Variants in PPP6R3 observed in about 807,000 individuals in gnomAD.
PPP6R3 encodes the protein serine/threonine-protein phosphatase 6 regulatory subunit 3.
In PPP6R3, 38 loss-of-function variants were observed where a neutral mutation model predicts 110.7. The observed-to-expected ratio is 0.34, with a 90% CI of 0.26 to 0.45. The LOEUF (loss-of-function observed/expected upper bound fraction) is 0.45, where lower values mean the gene tolerates loss of function less well. PPP6R3 is among the 20% of genes least tolerant of loss of function. The probability of loss-of-function intolerance (pLI) is 1.00; values close to 1 mark genes in which losing one functional copy is unlikely to be tolerated. For synonymous variants in PPP6R3, 369 were observed against 373.5 expected, an observed-to-expected ratio of 0.99 and a Z score of 0.14; for missense variants, 870 against 1,062.4, an observed-to-expected ratio of 0.82 and a Z score of 2.52.
At chr11:68,475,632 G>T (rs2098824507) in intron 1 of PPP6R3, among the ~76,000 whole-genome samples, 1 of 151,014 alleles carries the variant, frequency 6.6e-6, no homozygotes, top group Non-Finnish European at 1.5e-5. Flanking sequence ...GCCGGGTGGG[G>T]GCTGCCCCCC....
At chr11:68,476,264 C>T (rs951365762) in intron 1 of PPP6R3, among the ~76,000 whole-genome samples, 4 of 152,196 alleles carry the variant, frequency 2.6e-5, no homozygotes, top group African/African-American at 9.6e-5. Flanking sequence ...AGCTGGAGAC[C>T]AGCCCGGCCA....
intron 4 of PPP6R3, among the ~76,000 whole-genome samples, chr11:68,547,850 A>G (rs1451219369): frequency 2.8e-5 from 4 of 140,570 alleles, no homozygotes; most frequent in South Asian, 4.3e-4. Context: ...GTATTAATGG[A>G]CGTGCTAATT....
At chr11:68,508,649 G>T (rs1012757902) in intron 1 of PPP6R3, among the ~76,000 whole-genome samples, 1 of 152,134 alleles carries the variant, frequency 6.6e-6, no homozygotes, top group Non-Finnish European at 1.5e-5. Flanking sequence ...AGAATTTGTG[G>T]TTTTGGTGTT....
chr11:68,571,500 A>C (rs1221252175), intron 12 of PPP6R3, among the ~76,000 whole-genome samples: 1 of 152,246 alleles, frequency 6.6e-6, no homozygotes, highest in East Asian at 1.9e-4. Context: ...ATTGTAGAGA[A>C]GAGTTGCTTT....
At chr11:68,596,638 G>A (rs971925631) in intron 19 of PPP6R3, among the ~76,000 whole-genome samples, 10 of 152,250 alleles carry the variant, frequency 6.6e-5, no homozygotes, top group African/African-American at 2.4e-4. Flanking sequence ...AAGCATTTCA[G>A]TGCGTTCTTC....
chr11:68,513,887 A>G (rs1046060097), intron 1 of PPP6R3, among the ~76,000 whole-genome samples: 2 of 152,174 alleles, frequency 1.3e-5, no homozygotes, highest in African/African-American at 4.8e-5. Flanking sequence ...CCTTTTTTGT[A>G]TATCTGCATT....
At chr11:68,482,443 A>T (rs867318045) in intron 1 of PPP6R3, among the ~76,000 whole-genome samples, 15 of 151,438 alleles carry the variant, frequency 9.9e-5, no homozygotes, top group African/African-American at 3.6e-4. Flanking sequence ...TCTCTTTCCC[A>T]TAGAAAATGA....
At chr11:68,535,690 C>T (rs761511013) in intron 2 of PPP6R3, among the ~76,000 whole-genome samples, 8 of 151,022 alleles carry the variant, frequency 5.3e-5, no homozygotes, top group African/African-American at 1.5e-4. Context: ...TGGCCGGGCA[C>T]GGTAACTCAT....
intron 1 of PPP6R3, among the ~76,000 whole-genome samples, chr11:68,518,104 T>C (rs539932333): frequency 6.6e-6 from 1 of 152,178 alleles, no homozygotes; most frequent in Admixed American, 6.5e-5. Context: ...TATCAATTGA[T>C]TCAGACAAGA....
chr11:68,503,060 C>T (rs2099056318), intron 1 of PPP6R3, among the ~76,000 whole-genome samples: 1 of 151,354 alleles, frequency 6.6e-6, no homozygotes, highest in South Asian at 2.1e-4. Flanking sequence ...TCTCCTGCCT[C>T]AGCCTCCCGA....
At chr11:68,594,271 AGAGAGAGAGAGAGAGAGAGAGGAGAGAG>A (rs1240690450) in intron 18 of PPP6R3, among the ~76,000 whole-genome samples, 6 of 137,018 alleles carry the variant, frequency 4.4e-5, no homozygotes, top group Non-Finnish European at 9.6e-5. Flanking sequence ...AGGGGGAGAG[AGAGAGAGAGAGAGAGAGAGAGGAGAGAG>A]GAGAGAGAGA....
intron 19 of PPP6R3, among the ~76,000 whole-genome samples, chr11:68,599,805 T>G (rs1484324474): frequency 1.3e-5 from 2 of 152,210 alleles, no homozygotes; most frequent in Non-Finnish European, 2.9e-5. Context: ...CTGTGTAGTA[T>G]TTCTTTTGGA....
chr11:68,482,742 C>A (rs931357846), intron 1 of PPP6R3, among the ~76,000 whole-genome samples: 3 of 152,000 alleles, frequency 2.0e-5, no homozygotes, highest in Admixed American at 6.6e-5. Context: ...CCATTCTGAT[C>A]ACCTTTTCCA....
Position 68,571,020 on chromosome 11 carries a change from A to AGTCTTTTTTT in PPP6R3, c.1279-20_1279-19insGTCTTTTTTT, listed in dbSNP as rs1158649733. 1 of 1,574,472 alleles carries AGTCTTTTTTT rather than the reference A, an allele frequency of 6.4e-7. No individual in the cohort carries two copies. The highest frequency in any genetic ancestry group is 1.4e-5 in the African/African-American group (1 of 72,090). ...GATGCTTTGAAGTATTAACTGGAAT[A>AGTCTTTTTTT]TTCTTTTTTTTTTTTTCAGCTTTTC... On this transcript the variant is annotated intron_variant, in intron 11 of 23. Transcript: ENST00000393800.
chr11:68,593,051 A>C (rs2153881435), intron 18 of PPP6R3, among the ~76,000 whole-genome samples: 1 of 152,292 alleles, frequency 6.6e-6, no homozygotes, highest in South Asian at 2.1e-4. Context: ...ACTTGACGTA[A>C]ACTGCATTTA....
At chr11:68,557,326 T>G (rs1291441784) in intron 7 of PPP6R3, among the ~76,000 whole-genome samples, 4 of 152,048 alleles carry the variant, frequency 2.6e-5, no homozygotes, top group African/African-American at 9.7e-5. Flanking sequence ...CTAGTTTTGT[T>G]TCCCCAAAAT....
At chr11:68,564,457 C>G (rs375533553) in intron 9 of PPP6R3, 25 bp downstream of exon 9, 1 of 1,612,126 alleles carries the variant, frequency 6.2e-7, no homozygotes, top group Non-Finnish European at 8.5e-7. Context: ...TTAAGCATGG[C>G]TGCCCAGCGA....
intron 1 of PPP6R3, among the ~76,000 whole-genome samples, chr11:68,491,276 T>G (rs1205963956): frequency 6.6e-6 from 1 of 151,850 alleles, no homozygotes; most frequent in African/African-American, 2.4e-5. Context: ...TATTAAAAAT[T>G]TTTTTTTCAG....
At chr11:68,480,776 C>A (rs1235487302) in intron 1 of PPP6R3, among the ~76,000 whole-genome samples, 1 of 152,162 alleles carries the variant, frequency 6.6e-6, no homozygotes, top group Non-Finnish European at 1.5e-5. Context: ...TTAAAAATTA[C>A]AATAGGGGAG....
Sources: allele counts gnomAD v4.1 joint callset (sites outside exome capture counted in the v4.1 genomes callset), GRCh38; gene constraint gnomAD v4.1.1; transcripts MANE v1.5; gene names NCBI Gene and HGNC (gene_info 2026-07-23, HGNC 2026-07-21).